The following VAT1L variants were observed in gnomAD, a reference collection of about 807,000 sequenced individuals.
VAT1L encodes the protein vesicle amine transport 1 like.
Under a neutral mutation model 44.1 loss-of-function variants are expected in VAT1L, and 34 were observed. The ratio of observed to expected loss-of-function variants is 0.77; its 90% CI spans 0.59 to 1.03. The LOEUF (loss-of-function observed/expected upper bound fraction) is 1.03, where lower values mean the gene tolerates loss of function less well. Among genes scored for constraint, VAT1L ranks in the 50% least tolerant of loss-of-function variants. The probability of loss-of-function intolerance (pLI) is 0.00; values close to 1 mark genes in which losing one functional copy is unlikely to be tolerated. For missense variants in VAT1L, 615 were observed against 538.8 expected (o/e 1.14, Z -1.40); for synonymous variants, 253 against 202.2 (o/e 1.25, Z -2.13).
chr16:77,880,852 G>C (rs924802313), intron 6 of VAT1L, among the ~76,000 whole-genome samples: 2 of 151,890 alleles, frequency 1.3e-5, no homozygotes, highest in Non-Finnish European at 2.9e-5. Flanking sequence ...TGCAGTATTT[G>C]TTTTTATGTT....
chr16:77,822,279 T>C (rs1000362862), intron 2 of VAT1L, among the ~76,000 whole-genome samples: 11 of 152,032 alleles, frequency 7.2e-5, no homozygotes, highest in Non-Finnish European at 1.5e-4. Context: ...GGATTACAGA[T>C]ATGGGCCACC....
chr16:77,841,361 G>A (rs111884047), intron 3 of VAT1L, among the ~76,000 whole-genome samples: 2 of 152,194 alleles, frequency 1.3e-5, no homozygotes, highest in Admixed American at 1.3e-4. Context: ...AGGATTACAG[G>A]CATGAGCCGC....
chr16:77,853,260 T>C (rs936082748), intron 3 of VAT1L, among the ~76,000 whole-genome samples: 1 of 152,150 alleles, frequency 6.6e-6, no homozygotes, highest in Non-Finnish European at 1.5e-5. Context: ...CAGAAGACTG[T>C]GTTGGTCATG....
rs569316675 is a variant in VAT1L, at chr16:77,853,616, G to C, written c.580-9132G>C. On this transcript the variant is annotated intron_variant, in intron 3 of 8. Transcript: ENST00000302536. ...TTGAGCTGCATCAGAATCCCCTAGA[G>C]GGCCTGTTCAAACTCAGGCTGCAGG... is the stretch of plus-strand genomic sequence containing the variant. Among the ~76,000 whole-genome samples, 7 of 152,072 alleles carry C rather than the reference G, an allele frequency of 4.6e-5. No homozygotes were observed. In the South Asian group the frequency reaches 1.5e-3, roughly 32 times the overall value.
chr16:77,927,825 C>T (rs1230323305), intron 7 of VAT1L, among the ~76,000 whole-genome samples: 3 of 152,092 alleles, frequency 2.0e-5, no homozygotes, highest in Admixed American at 6.5e-5. Context: ...GCCGAGATCA[C>T]GCCACTGTAC....
rs368752648 is a variant in VAT1L at position 77,961,276 on chromosome 16, G to A, written c.1078-10574G>A. 1.1e-4 allele frequency among the ~76,000 whole-genome samples: 16 copies of A among 152,116 alleles called. 1 individual carries two copies. The highest frequency in any genetic ancestry group is 3.9e-4 in the African/African-American group (16 of 41,524). On this transcript the variant is annotated intron_variant, in intron 7 of 8. Transcript: ENST00000302536. The stretch of plus-strand genomic sequence containing the variant: ...CCAAGGGGGCTTCTCCTTGGTGCAC[G>A]GTGATCTAGCTCCTGCCCACTCCGC...
intron 7 of VAT1L, among the ~76,000 whole-genome samples, chr16:77,944,302 G>A (rs1273019271): frequency 2.0e-5 from 3 of 152,164 alleles, no homozygotes; most frequent in Non-Finnish European, 4.4e-5. Flanking sequence ...GAATACTAGA[G>A]AAATTCCTTA....
At chr16:77,814,478 T>C (rs987637891) in intron 1 of VAT1L, among the ~76,000 whole-genome samples, 2 of 152,174 alleles carry the variant, frequency 1.3e-5, no homozygotes, top group African/African-American at 4.8e-5. Flanking sequence ...CAGTTTACCA[T>C]CACTGGGCCC....
intron 7 of VAT1L, among the ~76,000 whole-genome samples, chr16:77,895,101 C>CACAT (rs1448773066): frequency 1.6e-4 from 1 of 6,138 alleles, no homozygotes; most frequent in African/African-American, 1.7e-4. Flanking sequence ...GCCACTTGCC[C>CACAT]ACACACACAC....
chr16:77,961,815 A>G (rs2018163091), intron 7 of VAT1L, among the ~76,000 whole-genome samples: 1 of 152,152 alleles, frequency 6.6e-6, no homozygotes, highest in Non-Finnish European at 1.5e-5. Context: ...CAGCTGTGTG[A>G]TCTTAGGTGA....
At chr16:77,962,739 A>AAGGAAGGAAGGAAGGAAGGAAGGAAG (rs1567523608) in intron 7 of VAT1L, among the ~76,000 whole-genome samples, 21 of 129,446 alleles carry the variant, frequency 1.6e-4, no homozygotes, top group South Asian at 5.7e-4. Context: ...AAAGAAGGAA[A>AAGGAAGGAAGGAAGGAAGGAAGGAAG]GAAGGAAGGA....
intron 3 of VAT1L, among the ~76,000 whole-genome samples, chr16:77,840,315 C>A (rs556882601): frequency 6.6e-6 from 1 of 152,302 alleles, no homozygotes; most frequent in East Asian, 1.9e-4. Flanking sequence ...AAAGGGCACA[C>A]GTGAATGGTT....
chr16:77,871,449 C>G (rs544533605), intron 4 of VAT1L, among the ~76,000 whole-genome samples: 2 of 152,290 alleles, frequency 1.3e-5, no homozygotes, highest in East Asian at 3.9e-4. Context: ...CTTTTCTCAT[C>G]CCTGCTAGGT....
At chr16:77,795,277 T>A (rs1405374072) in intron 1 of VAT1L, among the ~76,000 whole-genome samples, 1 of 71,076 alleles carries the variant, frequency 1.4e-5, no homozygotes, top group African/African-American at 4.3e-5. Flanking sequence ...GAATTTACAG[T>A]GGGGGCGGGG....
At chr16:77,955,612 C>T (rs2018094093) in intron 7 of VAT1L, among the ~76,000 whole-genome samples, 1 of 151,894 alleles carries the variant, frequency 6.6e-6, no homozygotes, top group African/African-American at 2.4e-5. Flanking sequence ...GTAACCCCAG[C>T]TACTTGGGAG....
chr16:77,956,097 CAA>C (rs2018100783), intron 7 of VAT1L, among the ~76,000 whole-genome samples: 1 of 152,078 alleles, frequency 6.6e-6, no homozygotes, highest in Non-Finnish European at 1.5e-5. Context: ...GTTTGCAACA[CAA>C]AGAGATAATG....
intron 3 of VAT1L, among the ~76,000 whole-genome samples, chr16:77,838,041 G>T (rs1308789957): frequency 1.3e-5 from 2 of 152,202 alleles, no homozygotes; most frequent in African/African-American, 4.8e-5. Flanking sequence ...GACAGCCGCT[G>T]CTCCATGCTC....
chr16:77,944,582 T>C (rs1296249943), intron 7 of VAT1L, among the ~76,000 whole-genome samples: 2 of 152,198 alleles, frequency 1.3e-5, no homozygotes, highest in African/African-American at 4.8e-5. Flanking sequence ...ACCTGTCTTG[T>C]ATAAAATTGT....
chr16:77,850,499 C>T (rs35014152), intron 3 of VAT1L, among the ~76,000 whole-genome samples: 5,725 of 152,162 alleles, frequency 0.038, 149 homozygotes, highest in Non-Finnish European at 0.053. Context: ...GACTATATGA[C>T]CCTATTTGCC....
Sources: gnomAD v4.1 joint callset for allele counts (sites outside exome capture counted in the v4.1 genomes callset) on GRCh38, gnomAD v4.1.1 for gene constraint, MANE v1.5 for transcripts, NCBI Gene and HGNC (gene_info 2026-07-23, HGNC 2026-07-21) for gene names.